MYO15A: variants seen among roughly 807,000 people sequenced by gnomAD.
MYO15A encodes the protein unconventional myosin-XV.
Under a neutral mutation model 394.6 loss-of-function variants are expected in MYO15A, and 308 were observed. That is an observed-to-expected ratio of 0.78 (90% CI 0.71 to 0.86). The LOEUF is 0.86. Among genes scored for constraint, MYO15A ranks in the 40% least tolerant of loss-of-function variants. MYO15A has a pLI of 0.00. For missense variants in MYO15A, 4,606 were observed against 4,799.1 expected (o/e 0.96, Z 1.19); for synonymous variants, 1,957 against 2,003.8 (o/e 0.98, Z 0.62).
Position 18,121,281 on chromosome 17 carries a change from C to T in MYO15A, c.2481C>T (p.Arg827=). Residue 827 remains arginine, a synonymous_variant, in exon 2 of 66, where the codon CGC becomes CGT. Transcript: ENST00000647165. This position sits in a 1 kb window ranked among gnomAD's most constrained non-coding sequence, Gnocchi z 5.3. The part of the protein sequence containing the change: ...PRSLQESPAP[R]RAAGRLGPPG... ...CGCTGCAGGAGTCCCCAGCCCCACG[C>T]CGAGCCGCTGGGCGCCTGGGCCCAC... The T allele has an allele frequency of 2.9e-6, 4 of 1,369,422 alleles. No homozygotes were observed. The highest frequency in any genetic ancestry group is 3.8e-6 in the Non-Finnish European group (4 of 1,066,252). The allele number at this position is 1,369,422 out of a possible 1,614,324, so 84.8% of individuals were successfully genotyped here. A position where few individuals can be genotyped will look rare whatever the true frequency, so the allele number is the denominator to read the frequency against.
chr17:18,136,077 A>T (rs970957710), intron 13 of MYO15A, among the ~76,000 whole-genome samples: 1 of 152,144 alleles, frequency 6.6e-6, no homozygotes. Flanking sequence ...GACCCTATCC[A>T]GGTATCCCCT....
chr17:18,136,326 T>A lies in MYO15A; in HGVS notation c.4597-91T>A. On this transcript the variant is annotated intron_variant, in intron 13 of 65. Transcript: ENST00000647165. The stretch of plus-strand genomic sequence containing the variant: ...GTCACAACATCCCTCCAGCCTCCCT[T>A]CTCCATGATCCCACTCCCTTAGTCC... The A allele has an allele frequency of 1.5e-5, 22 of 1,498,196 alleles. 1 individual carries two copies. The South Asian group carries it at 2.5e-4, about 17-fold the overall frequency. The allele number at this position is 1,498,196 out of a possible 1,614,324, so 92.8% of individuals were successfully genotyped here.
chr17:18,139,406 C>A, intron 18 of MYO15A, 128 bp from the exon 19 acceptor site: 1 of 1,151,092 alleles, frequency 8.7e-7, no homozygotes, highest in Non-Finnish European at 1.3e-6. Flanking sequence ...GCTCCCCTCC[C>A]CCAGGAGTAG....
chr17:18,111,500 A>G (rs917229521), intron 1 of MYO15A, among the ~76,000 whole-genome samples: 1 of 152,214 alleles, frequency 6.6e-6, no homozygotes, highest in African/African-American at 2.4e-5. Flanking sequence ...ATGCACAAGT[A>G]ATATTTAAGG....
chr17:18,143,446 A>G (rs906791334), intron 25 of MYO15A, 120 bp from the exon 26 acceptor site: 1 of 1,184,804 alleles, frequency 8.4e-7, no homozygotes. Context: ...CCTCCACACA[A>G]CAGGCAAGCT....
intron 24 of MYO15A, 93 bp from the exon 25 acceptor site, chr17:18,142,663 C>G: frequency 9.1e-7 from 1 of 1,096,092 alleles, no homozygotes; most frequent in Non-Finnish European, 1.4e-6. Flanking sequence ...TGGGCACTGG[C>G]TCCCAGGCCA....
In MYO15A at chr17:18,132,581, G is replaced by T. The variant is rs1351435768; in HGVS notation, c.4320+15G>T. ...ATCTGAACCAGGTGAGTGCCAGCAG[G>T]CATCTGAAGGCCCCTGGCCCTGGTC... On this transcript the variant is annotated intron_variant, in intron 11 of 65. Coordinates refer to ENST00000647165, the MANE Select transcript of MYO15A (RefSeq NM_016239.4). The surrounding 1 kb of genome is among the most constrained non-coding windows in gnomAD (Gnocchi z 4.6). The T allele has an allele frequency of 1.2e-6, 2 of 1,600,254 alleles. No homozygotes were observed. The highest frequency in any genetic ancestry group is 1.7e-6 in the Non-Finnish European group (2 of 1,173,202).
chr17:18,127,020 G>A, intron 6 of MYO15A, 55 bp from the exon 7 acceptor site: 1 of 1,608,166 alleles, frequency 6.2e-7, no homozygotes, highest in Non-Finnish European at 8.5e-7. Flanking sequence ...GAGTCAGGGT[G>A]CCCCAGAAGA....
chr17:18,155,096 C>G lies in MYO15A; in HGVS notation c.8225-14C>G. 2 of 1,609,896 alleles carry G rather than the reference C, an allele frequency of 1.2e-6. No individual in the cohort carries two copies. The highest frequency in any genetic ancestry group is 1.7e-6 in the Non-Finnish European group (2 of 1,178,098). ...AGTGGGGAGAGGGTCCTGACCAGAC[C>G]TGGCCTCCCATAGCCCAGAACCAGC... On this transcript the variant is annotated splice_polypyrimidine_tract_variant and intron_variant, in intron 45 of 65. Transcript: ENST00000647165.
rs148669276 is a variant in MYO15A, at chr17:18,124,025, G to A, written c.3610-458G>A. 6.1e-4 allele frequency: 143 copies of A among 232,728 alleles called. 1 individual carries two copies. Among genetic ancestry groups the A allele is most frequent in the Middle Eastern group, 3.3e-3 (2 of 612 alleles). 14.4% of individuals were successfully genotyped at this position (232,728 alleles called of 1,614,324 possible). ...TGTGGGTCCATATGCAGGTGTCCAC[G>A]CATTTTCCCCAGGATGAGCATGGGG... On this transcript the variant is annotated intron_variant, in intron 2 of 65. Transcript: ENST00000647165.
chr17:18,176,954 A>G (rs2047023518), intron 65 of MYO15A: 1 of 152,280 alleles, frequency 6.6e-6, no homozygotes, highest in Non-Finnish European at 1.5e-5. Context: ...TGCTGTGTCC[A>G]TAACTCAGCG....
At chr17:18,149,708 G>C in intron 35 of MYO15A, 128 bp downstream of exon 35, 1 of 941,388 alleles carries the variant, frequency 1.1e-6, no homozygotes, top group Non-Finnish European at 1.7e-6. Flanking sequence ...GTCCCATCTG[G>C]ATGTCTGCTG....
chr17:18,157,678 G>A, intron 50 of MYO15A, 44 bp from the exon 51 acceptor site: 2 of 1,601,534 alleles, frequency 1.2e-6, no homozygotes, highest in South Asian at 2.2e-5. Flanking sequence ...TTAGTCACAA[G>A]ACAAGACCCT....
At chr17:18,144,372 T>A in intron 28 of MYO15A, 125 bp from the exon 29 acceptor site, 2 of 922,322 alleles carry the variant, frequency 2.2e-6, no homozygotes, top group Non-Finnish European at 3.5e-6. Context: ...AGTTTCCCCA[T>A]CCATACACTG....
intron 4 of MYO15A, among the ~76,000 whole-genome samples, chr17:18,125,741 G>C (rs1395211190): frequency 6.6e-6 from 1 of 151,202 alleles, no homozygotes; most frequent in Non-Finnish European, 1.5e-5. Flanking sequence ...AAAAAGAATG[G>C]TGGATGCCAG....
chr17:18,143,853 CCCT>C lies in MYO15A; in HGVS notation c.6047-12_6047-10del, dbSNP rs780366188. On this transcript the variant is annotated splice_polypyrimidine_tract_variant and intron_variant, in intron 27 of 65. Coordinates refer to ENST00000647165, the MANE Select transcript of MYO15A (RefSeq NM_016239.4). ...GGCAGATCAGAGCAGGCACCGCATT[CCCT>C]CCTCTTTCCACAGGCCTCGGGCTGG... 2 of 1,574,070 alleles carry C rather than the reference CCCT, an allele frequency of 1.3e-6. No homozygotes were observed. The highest frequency in any genetic ancestry group is 8.6e-7 in the Non-Finnish European group (1 of 1,158,906).
intron 16 of MYO15A, 118 bp downstream of exon 16, chr17:18,137,797 G>C (rs2046306047): frequency 8.4e-7 from 1 of 1,194,700 alleles, no homozygotes; most frequent in Admixed American, 2.0e-5. Context: ...AGACAGTAGA[G>C]GGAAAGGCAT....
intron 65 of MYO15A, among the ~76,000 whole-genome samples, chr17:18,175,308 T>TTTTTTTTTTTTTTTTTGG (rs71155320): frequency 1.4e-5 from 2 of 147,042 alleles, no homozygotes; most frequent in Admixed American, 6.8e-5. Context: ...TTTTTTTTTT[T>TTTTTTTTTTTTTTTTTGG]GAGGCAAAGT....
intron 51 of MYO15A, 133 bp from the exon 52 acceptor site, chr17:18,158,390 G>T: frequency 1.5e-6 from 1 of 687,236 alleles, no homozygotes; most frequent in Non-Finnish European, 2.4e-6. Context: ...ATGCGGGTGG[G>T]TCCACAGGGA....
Sources: gnomAD v4.1 joint callset for allele counts (sites outside exome capture counted in the v4.1 genomes callset) on GRCh38, gnomAD v4.1.1 for gene constraint, Gnocchi (gnomAD v3.1) non-coding constraint, MANE v1.5 for transcripts, NCBI Gene and HGNC (gene_info 2026-07-23, HGNC 2026-07-21) for gene names.